Variants in ATP8A1 observed in about 807,000 individuals in gnomAD.
ATP8A1 encodes the protein ATPase phospholipid transporting 8A1.
ATP8A1 carries 90 observed loss-of-function variants against 177.7 expected under a neutral mutation model. That is an observed-to-expected ratio of 0.51 (90% CI 0.43 to 0.60). The LOEUF (loss-of-function observed/expected upper bound fraction) is 0.60. Among genes scored for constraint, ATP8A1 ranks in the 20% least tolerant of loss-of-function variants. ATP8A1 has a pLI of 0.00. For missense variants in ATP8A1, 1,072 were observed against 1,392.8 expected (o/e 0.77, Z 3.67); for synonymous variants, 493 against 485.9 (o/e 1.01, Z -0.19).
intron 12 of ATP8A1, among the ~76,000 whole-genome samples, chr4:42,576,850 G>A (rs142699373): frequency 2.9e-4 from 44 of 152,316 alleles, no homozygotes; most frequent in African/African-American, 6.5e-4. Context: ...AACAGAAGGC[G>A]GGGAATGTTT....
intron 6 of ATP8A1, among the ~76,000 whole-genome samples, chr4:42,591,664 C>T (rs1734192779): frequency 6.6e-6 from 1 of 151,980 alleles, no homozygotes. Flanking sequence ...AGTTATTTTA[C>T]CCTACTTTAT....
At position 42,578,083 on chromosome 4, in the gene ATP8A1, G is replaced by C. The variant is rs141822555; in HGVS notation, c.1128+177C>G. 4.1e-3 allele frequency among the ~76,000 whole-genome samples: 623 copies of C among 152,196 alleles called. 3 individuals carry two copies. Among genetic ancestry groups the C allele is most frequent in the Non-Finnish European group, 7.6e-3 (516 of 67,980 alleles). ...AGACCCATTTTCCCTACAATGTCTG[G>C]CCTGTAAACTTGTGTGATTCTGAGA... On this transcript the variant is annotated intron_variant, in intron 12 of 36. Transcript: ENST00000381668.
intron 1 of ATP8A1, among the ~76,000 whole-genome samples, chr4:42,635,795 A>ATATATATATATATATC (rs1739261686): frequency 9.0e-6 from 1 of 111,576 alleles, no homozygotes; most frequent in Non-Finnish European, 1.8e-5. Flanking sequence ...ATATATATAT[A>ATATATATATATATATC]TATATATATA....
chr4:42,560,616 G>A (rs1396450309), intron 15 of ATP8A1, among the ~76,000 whole-genome samples: 2 of 151,774 alleles, frequency 1.3e-5, no homozygotes, highest in African/African-American at 4.8e-5. Context: ...ACTAGAATGG[G>A]AACTCATGGT....
chr4:42,570,885 T>C (rs1233353085), intron 14 of ATP8A1, among the ~76,000 whole-genome samples: 2 of 152,224 alleles, frequency 1.3e-5, no homozygotes, highest in Admixed American at 6.5e-5. Flanking sequence ...CCACCCATTA[T>C]AGCCTCACAT....
intron 22 of ATP8A1, among the ~76,000 whole-genome samples, chr4:42,521,015 G>T (rs1578097658): frequency 1.3e-5 from 2 of 152,128 alleles, no homozygotes; most frequent in East Asian, 1.9e-4. Flanking sequence ...AGGAGCAGAG[G>T]GGGGAAATAG....
Position 42,543,995 on chromosome 4 carries a change from A to T in ATP8A1, c.1653-9T>A, listed in dbSNP as rs1470569152. On this transcript the variant is annotated splice_polypyrimidine_tract_variant and intron_variant, in intron 19 of 36. Coordinates refer to ENST00000381668, the MANE Select transcript of ATP8A1 (RefSeq NM_006095.2). Reference sequence around the variant, plus strand: ...ACATTCTTTTCCTAGCACTGAAAGAAAGAGGTTTTGCATAATGTGTCATCA... The same window carrying T: ...ACATTCTTTTCCTAGCACTGAAAGATAGAGGTTTTGCATAATGTGTCATCA... 6.2e-7 allele frequency: 1 copy of T among 1,612,386 alleles called. No homozygotes were observed. The highest frequency in any genetic ancestry group is 1.3e-5 in the African/African-American group (1 of 75,000).
chr4:42,447,300 A>C (rs1341364415), intron 30 of ATP8A1, among the ~76,000 whole-genome samples: 2 of 152,054 alleles, frequency 1.3e-5, no homozygotes, highest in Non-Finnish European at 2.9e-5. Context: ...ATCGTGCCTC[A>C]GCCTCCGGAG....
intron 21 of ATP8A1, among the ~76,000 whole-genome samples, chr4:42,523,157 A>C (rs1167959311): frequency 6.6e-6 from 1 of 152,216 alleles, no homozygotes; most frequent in African/African-American, 2.4e-5. Flanking sequence ...CCGGGAAAAC[A>C]ATCAAAGCTG....
At chr4:42,637,141 C>T (rs544489613) in intron 1 of ATP8A1, 1 of 518,974 alleles carries the variant, frequency 1.9e-6, no homozygotes, top group African/African-American at 1.9e-5. Context: ...GTTCCCTGTA[C>T]CTCAACCGCT....
At chr4:42,555,093 C>CTA (rs1165601491) in intron 16 of ATP8A1, among the ~76,000 whole-genome samples, 44 of 76,976 alleles carry the variant, frequency 5.7e-4, no homozygotes, top group African/African-American at 2.4e-3. Flanking sequence ...GTGTATCTAT[C>CTA]TATCTATCTA....
intron 16 of ATP8A1, among the ~76,000 whole-genome samples, chr4:42,554,247 G>A (rs1577573831): frequency 6.6e-6 from 1 of 152,166 alleles, no homozygotes; most frequent in African/African-American, 2.4e-5. Flanking sequence ...TCTGGACTGG[G>A]GTGGTGAAAA....
chr4:42,635,782 C>CACACATATATATATAT (rs1553920597), intron 1 of ATP8A1, among the ~76,000 whole-genome samples: 9 of 51,992 alleles, frequency 1.7e-4, no homozygotes, highest in African/African-American at 4.3e-4. Context: ...CACACACACA[C>CACACATATATATATAT]ATATATATAT....
intron 9 of ATP8A1, among the ~76,000 whole-genome samples, chr4:42,582,167 T>C (rs1321763333): frequency 6.6e-6 from 1 of 152,136 alleles, no homozygotes; most frequent in African/African-American, 2.4e-5. Flanking sequence ...GAAGGGGCCT[T>C]TTGCCAGCCA....
intron 27 of ATP8A1, among the ~76,000 whole-genome samples, chr4:42,462,420 T>C (rs912320750): frequency 4.6e-5 from 7 of 152,216 alleles, no homozygotes; most frequent in African/African-American, 9.6e-5. Context: ...GGGGCCAACA[T>C]AGAGTTCGGG....
chr4:42,469,703 A>C (rs1264304642), intron 25 of ATP8A1, among the ~76,000 whole-genome samples: 1 of 152,166 alleles, frequency 6.6e-6, no homozygotes, highest in Non-Finnish European at 1.5e-5. Context: ...CAGAAATAGC[A>C]CATAATAAAT....
At chr4:42,601,966 T>C (rs1305766621) in intron 5 of ATP8A1, among the ~76,000 whole-genome samples, 1 of 150,916 alleles carries the variant, frequency 6.6e-6, no homozygotes, top group African/African-American at 2.4e-5. Context: ...TGTTTCTAAA[T>C]TCCCTGAACA....
chr4:42,620,426 T>C (rs1329315356), intron 4 of ATP8A1, among the ~76,000 whole-genome samples: 1 of 152,210 alleles, frequency 6.6e-6, no homozygotes, highest in Non-Finnish European at 1.5e-5. Flanking sequence ...GATTATTATA[T>C]TATGCCAAAA....
At chr4:42,446,556 C>T (rs1035421195) in intron 31 of ATP8A1, 27 bp downstream of exon 31, 53 of 1,606,678 alleles carry the variant, frequency 3.3e-5, no homozygotes, top group Non-Finnish European at 4.3e-5. Flanking sequence ...ATTTTACACG[C>T]AAACGAGACC....
Sources: gnomAD v4.1 joint callset for allele counts (sites outside exome capture counted in the v4.1 genomes callset) on GRCh38, gnomAD v4.1.1 for gene constraint, MANE v1.5 for transcripts, NCBI Gene and HGNC (gene_info 2026-07-23, HGNC 2026-07-21) for gene names.